EPS15L1: variants seen among roughly 807,000 people sequenced by gnomAD.
The protein encoded by EPS15L1 is epidermal growth factor receptor pathway substrate 15 like 1, also known as epidermal growth factor receptor substrate 15-like 1.
EPS15L1 carries 43 observed loss-of-function variants against 117.1 expected under a neutral mutation model. That is an observed-to-expected ratio of 0.37 (90% CI 0.29 to 0.47). EPS15L1 has a LOEUF of 0.47. EPS15L1 is among the 20% of genes least tolerant of loss of function. The pLI is 0.99. For synonymous variants in EPS15L1, 459 were observed against 470.5 expected (o/e 0.98, Z 0.32); for missense variants, 981 against 1,164.0 (o/e 0.84, Z 2.29).
At chr19:16,458,270 GCACCC>G (rs2093215639) in intron 1 of EPS15L1, among the ~76,000 whole-genome samples, 1 of 152,052 alleles carries the variant, frequency 6.6e-6, no homozygotes, top group Non-Finnish European at 1.5e-5. Context: ...TAAACATCAG[GCACCC>G]CTCGAGGCTC....
chr19:16,368,393 T>A (rs1266888816), intron 22 of EPS15L1, among the ~76,000 whole-genome samples: 1 of 152,152 alleles, frequency 6.6e-6, no homozygotes, highest in Admixed American at 6.5e-5. Flanking sequence ...CAACTGTCAT[T>A]CATCCTGCAC....
chr19:16,453,502 A>G (rs564842268), intron 1 of EPS15L1, among the ~76,000 whole-genome samples: 1 of 152,266 alleles, frequency 6.6e-6, no homozygotes, highest in African/African-American at 2.4e-5. Flanking sequence ...TCATGAGGTC[A>G]GGAGATCGAG....
intron 1 of EPS15L1, among the ~76,000 whole-genome samples, chr19:16,444,030 C>T (rs1383379299): frequency 6.9e-6 from 1 of 144,886 alleles, no homozygotes; most frequent in East Asian, 2.0e-4. Context: ...CGCCACTGCA[C>T]TCCAGCCCAG....
At chr19:16,426,558 G>T (rs1017987411) in intron 8 of EPS15L1, among the ~76,000 whole-genome samples, 23 of 152,152 alleles carry the variant, frequency 1.5e-4, no homozygotes, top group African/African-American at 5.6e-4. Flanking sequence ...AGAATCGCTT[G>T]AATCCAGGAG....
intron 22 of EPS15L1, 125 bp downstream of exon 22, chr19:16,376,997 C>A: frequency 1.6e-6 from 2 of 1,268,896 alleles, no homozygotes; most frequent in Non-Finnish European, 2.2e-6. Context: ...CGGGGGGACC[C>A]TCTTGCTCCC....
At chr19:16,399,970 G>A (rs974019200) in intron 16 of EPS15L1, among the ~76,000 whole-genome samples, 2 of 152,188 alleles carry the variant, frequency 1.3e-5, no homozygotes, top group African/African-American at 4.8e-5. Context: ...CTCTCCATAA[G>A]TTGATTGGAT....
At chr19:16,395,564 A>G in intron 16 of EPS15L1, 97 bp from the exon 17 acceptor site, 1 of 1,229,988 alleles carries the variant, frequency 8.1e-7, no homozygotes, top group South Asian at 1.3e-5. Context: ...CACTTTGAGT[A>G]GCATGACCCT....
chr19:16,459,257 G>C (rs149806899), intron 1 of EPS15L1, among the ~76,000 whole-genome samples: 2 of 152,064 alleles, frequency 1.3e-5, no homozygotes, highest in Non-Finnish European at 2.9e-5. Context: ...GATGACCCTA[G>C]GTTCCCCCAA....
intron 23 of EPS15L1, among the ~76,000 whole-genome samples, chr19:16,358,785 T>C (rs1420379231): frequency 6.6e-6 from 1 of 152,200 alleles, no homozygotes; most frequent in African/African-American, 2.4e-5. Flanking sequence ...ATTCATTCAT[T>C]TACCGACAAT....
chr19:16,356,526 G>T (rs2144611293), intron 23 of EPS15L1: 1 of 152,266 alleles, frequency 6.6e-6, no homozygotes, highest in East Asian at 1.9e-4. Context: ...TGGTCAGGCT[G>T]GTCTTGAACT....
intron 16 of EPS15L1, chr19:16,401,582 A>G (rs770106913): frequency 2.0e-6 from 2 of 985,420 alleles, no homozygotes; most frequent in Non-Finnish European, 2.4e-6. Flanking sequence ...GGGAAACTAC[A>G]TGTCCCCAGG....
At chr19:16,422,741 G>A (rs552399742) in intron 9 of EPS15L1, among the ~76,000 whole-genome samples, 1 of 152,102 alleles carries the variant, frequency 6.6e-6, no homozygotes, top group Non-Finnish European at 1.5e-5. Context: ...TGGATCACCT[G>A]AGGCCAGGAG....
chr19:16,388,527 C>G (rs2092444938), intron 19 of EPS15L1, among the ~76,000 whole-genome samples: 1 of 152,064 alleles, frequency 6.6e-6, no homozygotes, highest in Non-Finnish European at 1.5e-5. Flanking sequence ...TAACAATGAC[C>G]TGAAGAAATA....
At chr19:16,362,121 G>C in intron 22 of EPS15L1, 137 bp from the exon 23 acceptor site, 1 of 865,700 alleles carries the variant, frequency 1.2e-6, no homozygotes, top group Non-Finnish European at 1.7e-6. Context: ...CAGGCTGGAC[G>C]GGGGTACCCT....
intron 1 of EPS15L1, among the ~76,000 whole-genome samples, 193 bp from the exon 2 acceptor site, chr19:16,442,412 T>A (rs1272406895): frequency 1.3e-5 from 2 of 152,206 alleles, no homozygotes; most frequent in Admixed American, 6.5e-5. Flanking sequence ...TTACCTGATT[T>A]AGAAAAAGTA....
intron 23 of EPS15L1, chr19:16,356,283 G>A (rs2091979049): frequency 5.5e-6 from 1 of 181,314 alleles, no homozygotes; most frequent in African/African-American, 2.4e-5. Context: ...AGAGAGCTCT[G>A]AGACCCTCTG....
At chr19:16,374,759 G>T (rs939788952) in intron 22 of EPS15L1, among the ~76,000 whole-genome samples, 2 of 152,218 alleles carry the variant, frequency 1.3e-5, no homozygotes, top group African/African-American at 4.8e-5. Flanking sequence ...GGCACTGCTC[G>T]GCAAGTGTGT....
At chr19:16,443,017 G>A (rs1318482159) in intron 1 of EPS15L1, among the ~76,000 whole-genome samples, 1 of 152,206 alleles carries the variant, frequency 6.6e-6, no homozygotes, top group African/African-American at 2.4e-5. Flanking sequence ...ACACCCAGGG[G>A]AGTGTGCCAA....
At chr19:16,401,088 G>A (rs1340201314) in intron 16 of EPS15L1, 11 of 985,288 alleles carry the variant, frequency 1.1e-5, no homozygotes, top group African/African-American at 1.7e-5. Flanking sequence ...AATGCTCATC[G>A]TTTAAATTTA....
Sources: gnomAD v4.1 joint callset for allele counts (sites outside exome capture counted in the v4.1 genomes callset) on GRCh38, gnomAD v4.1.1 for gene constraint, MANE v1.5 for transcripts, NCBI Gene and HGNC (gene_info 2026-07-23, HGNC 2026-07-21) for gene names.